FBXL17: variants seen among roughly 807,000 people sequenced by gnomAD.
FBXL17 encodes the protein F-box and leucine rich repeat protein 17.
In FBXL17, 22 loss-of-function variants were observed where a neutral mutation model predicts 66.2. The ratio of observed to expected loss-of-function variants is 0.33; its 90% CI spans 0.24 to 0.47. FBXL17 has a LOEUF of 0.47. Among genes scored for constraint, FBXL17 ranks in the 20% least tolerant of loss-of-function variants. FBXL17 has a pLI of 1.00. For missense variants in FBXL17, 878 were observed against 948.2 expected, an observed-to-expected ratio of 0.93 and a Z score of 0.97; for synonymous variants, 474 against 400.5, an observed-to-expected ratio of 1.18 and a Z score of -2.19.
intron 7 of FBXL17, among the ~76,000 whole-genome samples, chr5:107,990,363 T>C (rs1397896961): frequency 1.3e-5 from 2 of 152,142 alleles, no homozygotes; most frequent in Non-Finnish European, 2.9e-5. Context: ...AAAATTAGAG[T>C]TCTGCATTAG....
chr5:108,152,893 A>C (rs1017914262), intron 6 of FBXL17, among the ~76,000 whole-genome samples: 3 of 152,198 alleles, frequency 2.0e-5, no homozygotes, highest in Non-Finnish European at 4.4e-5. Context: ...CACCACCCAA[A>C]TCTAGAATTG....
At chr5:108,366,585 G>T (rs761706496) in intron 2 of FBXL17, among the ~76,000 whole-genome samples, 1 of 151,744 alleles carries the variant, frequency 6.6e-6, no homozygotes, top group Non-Finnish European at 1.5e-5. Flanking sequence ...GGGTTTGGGT[G>T]GGGGAGGAAG....
chr5:108,282,822 A>G (rs1200306959), intron 4 of FBXL17, among the ~76,000 whole-genome samples: 1 of 151,746 alleles, frequency 6.6e-6, no homozygotes, highest in Non-Finnish European at 1.5e-5. Context: ...AGGATACAAA[A>G]TCAACATACA....
intron 6 of FBXL17, among the ~76,000 whole-genome samples, chr5:108,048,021 C>A (rs991741240): frequency 1.3e-5 from 2 of 152,206 alleles, no homozygotes; most frequent in African/African-American, 4.8e-5. Flanking sequence ...TGTCAGACAC[C>A]CTAGAAAAGA....
chr5:107,987,323 T>G (rs1237433773), intron 7 of FBXL17, among the ~76,000 whole-genome samples: 1 of 151,978 alleles, frequency 6.6e-6, no homozygotes, highest in Non-Finnish European at 1.5e-5. Context: ...ACAATCACCT[T>G]TTTGTAAAAA....
chr5:108,129,414 C>T (rs1353704081), intron 6 of FBXL17, among the ~76,000 whole-genome samples: 1 of 152,034 alleles, frequency 6.6e-6, no homozygotes, highest in Non-Finnish European at 1.5e-5. Flanking sequence ...CTGATTTACA[C>T]TCTTAAAATA....
At chr5:108,344,309 A>T (rs1747103355) in intron 4 of FBXL17, among the ~76,000 whole-genome samples, 1 of 152,196 alleles carries the variant, frequency 6.6e-6, no homozygotes, top group African/African-American at 2.4e-5. Context: ...AGAATTATAA[A>T]ACTAGTAAAA....
intron 7 of FBXL17, among the ~76,000 whole-genome samples, chr5:108,013,662 C>G (rs1450364384): frequency 1.3e-5 from 2 of 152,112 alleles, no homozygotes; most frequent in African/African-American, 2.4e-5. Flanking sequence ...TCCACAGCAC[C>G]CTGCCAGTAG....
chr5:108,247,129 C>A (rs528854608), intron 4 of FBXL17, among the ~76,000 whole-genome samples: 2 of 152,152 alleles, frequency 1.3e-5, no homozygotes, highest in African/African-American at 4.8e-5. Context: ...GGATAATGTG[C>A]ACAAGTATCC....
chr5:108,072,827 G>C lies in FBXL17; in HGVS notation c.1746-51826C>G, dbSNP rs772063437. Among the ~76,000 whole-genome samples the C allele has an allele frequency of 9.8e-5, 15 of 152,288 alleles. 1 individual carries two copies. In the South Asian group the frequency reaches 2.9e-3, roughly 29 times the overall value. Reference sequence around the variant, plus strand: ...TTAGAACCATTTCAGATGCCTAAAAGAAGGCTAACATACATTTACCTTCTC... The same window carrying C: ...TTAGAACCATTTCAGATGCCTAAAACAAGGCTAACATACATTTACCTTCTC... On this transcript the variant is annotated intron_variant, in intron 6 of 8. Coordinates refer to ENST00000542267, the MANE Select transcript of FBXL17 (RefSeq NM_001163315.3).
At chr5:107,942,838 T>G (rs1580733482) in intron 7 of FBXL17, among the ~76,000 whole-genome samples, 1 of 152,170 alleles carries the variant, frequency 6.6e-6, no homozygotes. Context: ...GGAATTCTCC[T>G]TTCCCCATTT....
chr5:108,238,032 C>T (rs1755683685), intron 4 of FBXL17, among the ~76,000 whole-genome samples: 1 of 152,182 alleles, frequency 6.6e-6, no homozygotes, highest in Admixed American at 6.5e-5. Context: ...CCTTCCTTTG[C>T]TTTTATGTAT....
At position 107,861,815 on chromosome 5, in the gene FBXL17, T is replaced by C. The variant is rs1748131299; in HGVS notation, c.2011A>G (p.Ile671Val). The stretch of plus-strand genomic sequence containing the variant: ...TCCTGCAGGACGGTGCTGAAGGTGA[T>C]GTGGGGGTACTGCTGCACCAGCTGT... Reference protein sequence around the residue: ...VEQLVQQYPHITFSTVLQDCK... With the variant: ...VEQLVQQYPHVTFSTVLQDCK... The change falls in exon 9 of 9, where the codon ATC becomes GTC. Residue 671 changes from isoleucine to valine, a missense_variant. Around this residue, in one of 4 missense-constraint regions of FBXL17, gnomAD observed 236 missense variants for 389.1 expected, o/e 0.61. Transcript: ENST00000542267. 1.3e-6 allele frequency: 2 copies of C among 1,572,596 alleles called. No individual in the cohort carries two copies. Among genetic ancestry groups the C allele is most frequent in the Non-Finnish European group, 1.7e-6 (2 of 1,156,020 alleles).
chr5:108,127,319 C>A (rs1750761243), intron 6 of FBXL17, among the ~76,000 whole-genome samples: 1 of 152,192 alleles, frequency 6.6e-6, no homozygotes, highest in African/African-American at 2.4e-5. Context: ...TGATGATTAA[C>A]ATCAAACCAC....
intron 5 of FBXL17, among the ~76,000 whole-genome samples, chr5:108,205,243 T>C (rs952578591): frequency 1.3e-4 from 20 of 152,144 alleles, no homozygotes; most frequent in Admixed American, 3.9e-4. Context: ...TTTCCTTTAT[T>C]GGCCTATGCA....
chr5:108,222,161 C>A (rs780057416), intron 5 of FBXL17, among the ~76,000 whole-genome samples: 2 of 152,174 alleles, frequency 1.3e-5, no homozygotes, highest in Non-Finnish European at 2.9e-5. Context: ...TAATTGTGAT[C>A]TTTTAAGTAC....
At chr5:108,100,110 A>G (rs2149939690) in intron 6 of FBXL17, among the ~76,000 whole-genome samples, 1 of 152,304 alleles carries the variant, frequency 6.6e-6, no homozygotes, top group East Asian at 1.9e-4. Context: ...TTATATCCAC[A>G]TTCACAGCTA....
intron 4 of FBXL17, among the ~76,000 whole-genome samples, chr5:108,275,833 C>T (rs867739763): frequency 2.6e-5 from 4 of 152,304 alleles, no homozygotes; most frequent in Non-Finnish European, 4.4e-5. Flanking sequence ...TAATGAACAA[C>T]ACATAACCTA....
chr5:108,294,765 T>TA (rs939061845), intron 4 of FBXL17, among the ~76,000 whole-genome samples: 4 of 151,750 alleles, frequency 2.6e-5, no homozygotes, highest in African/African-American at 9.7e-5. Flanking sequence ...AAAAACAAGT[T>TA]AAAAAAACAA....
Sources: gnomAD v4.1 joint callset for allele counts (sites outside exome capture counted in the v4.1 genomes callset) on GRCh38, gnomAD v4.1.1 for gene constraint, gnomAD v4.1.1 regional missense constraint, MANE v1.5 for transcripts, NCBI Gene and HGNC (gene_info 2026-07-23, HGNC 2026-07-21) for gene names.